LRP1B: variants seen among roughly 807,000 people sequenced by gnomAD.
LRP1B encodes the protein low-density lipoprotein receptor-related protein 1B.
Under a neutral mutation model 556.6 loss-of-function variants are expected in LRP1B, and 217 were observed. The observed-to-expected ratio is 0.39, with a 90% CI of 0.35 to 0.44. LRP1B has a LOEUF of 0.44. Among genes scored for constraint, LRP1B ranks in the 20% least tolerant of loss-of-function variants. The pLI is 1.00. For synonymous variants in LRP1B, 2,047 were observed against 1,865.8 expected (o/e 1.10, Z -2.50); for missense variants, 5,053 against 5,620.8 (o/e 0.90, Z 3.23).
chr2:141,192,099 C>A (rs1681540812), intron 6 of LRP1B, among the ~76,000 whole-genome samples: 2 of 151,870 alleles, frequency 1.3e-5, no homozygotes, highest in African/African-American at 4.8e-5. Context: ...CACTTAGTAA[C>A]TATGGGGAAT....
intron 41 of LRP1B, among the ~76,000 whole-genome samples, chr2:140,622,033 C>G (rs745751739): frequency 6.6e-6 from 1 of 152,168 alleles, no homozygotes; most frequent in Non-Finnish European, 1.5e-5. Flanking sequence ...TTCTTGTAAG[C>G]TAACTTATTT....
chr2:141,678,978 A>T (rs1691001217), intron 2 of LRP1B, among the ~76,000 whole-genome samples: 1 of 152,120 alleles, frequency 6.6e-6, no homozygotes, highest in Admixed American at 6.6e-5. Flanking sequence ...TTCTGAGGTA[A>T]GGTTACCAAA....
chr2:140,683,360 A>G (rs1559052971), intron 41 of LRP1B: 2 of 487,550 alleles, frequency 4.1e-6, no homozygotes, highest in East Asian at 5.1e-5. Flanking sequence ...TCCACACACA[A>G]TCTTCAGCAT....
intron 3 of LRP1B, among the ~76,000 whole-genome samples, chr2:141,307,606 T>C (rs1686641094): frequency 6.6e-6 from 1 of 152,172 alleles, no homozygotes; most frequent in Non-Finnish European, 1.5e-5. Context: ...TTAACCTGTT[T>C]ACATCCAAGG....
chr2:140,278,680 A>G (rs1682790230), intron 84 of LRP1B, among the ~76,000 whole-genome samples: 1 of 152,052 alleles, frequency 6.6e-6, no homozygotes, highest in African/African-American at 2.4e-5. Context: ...AAATATTAGA[A>G]TTTACACTTT....
At position 141,844,092 on chromosome 2, in the gene LRP1B, G is replaced by C. The variant is rs543977637; in HGVS notation, c.83-33691C>G. ...CTGGAACTAGGAAGAAAAGAAAAAG[G>C]ATGGCCTCCTTTAGATTTGGGCCTC... On this transcript the variant is annotated intron_variant, in intron 1 of 90. Coordinates refer to ENST00000389484, the MANE Select transcript of LRP1B (RefSeq NM_018557.3). Among the ~76,000 whole-genome samples the C allele has an allele frequency of 2.0e-5, 3 of 152,008 alleles. No homozygotes were observed. In the South Asian group the frequency reaches 6.2e-4, roughly 32 times the overall value.
intron 1 of LRP1B, among the ~76,000 whole-genome samples, chr2:141,989,831 A>T (rs1392220399): frequency 1.3e-5 from 2 of 152,106 alleles, no homozygotes; most frequent in Non-Finnish European, 2.9e-5. Flanking sequence ...TAAAACTATG[A>T]GTCAATTAAA....
At chr2:142,033,334 T>TA (rs1462148028) in intron 1 of LRP1B, among the ~76,000 whole-genome samples, 1 of 151,804 alleles carries the variant, frequency 6.6e-6, no homozygotes, top group African/African-American at 2.4e-5. Flanking sequence ...TATCTTTAAA[T>TA]GTTGTCAGTC....
intron 1 of LRP1B, among the ~76,000 whole-genome samples, chr2:141,900,126 G>A (rs779578217): frequency 1.6e-4 from 25 of 151,986 alleles, no homozygotes; most frequent in Non-Finnish European, 2.8e-4. Flanking sequence ...AGTCCCAATC[G>A]ATATGGAGAA....
At chr2:141,608,800 A>G (rs1688009393) in intron 2 of LRP1B, among the ~76,000 whole-genome samples, 1 of 152,184 alleles carries the variant, frequency 6.6e-6, no homozygotes, top group Non-Finnish European at 1.5e-5. Context: ...GATTCTCACA[A>G]AATGCTTCAG....
intron 81 of LRP1B, 110 bp downstream of exon 81, chr2:140,323,779 AAGTT>A (rs1680296586): frequency 4.2e-6 from 2 of 481,040 alleles, no homozygotes; most frequent in East Asian, 6.8e-5. Context: ...AAAGTTACTT[AAGTT>A]ACTGAGGTTA....
chr2:141,209,569 C>T (rs1027823915), intron 6 of LRP1B, among the ~76,000 whole-genome samples: 2 of 152,148 alleles, frequency 1.3e-5, no homozygotes, highest in Admixed American at 1.3e-4. Context: ...TCACAATTTT[C>T]AACATGCTAA....
intron 1 of LRP1B, among the ~76,000 whole-genome samples, chr2:142,016,689 C>T: frequency 6.6e-6 from 1 of 150,422 alleles, no homozygotes; most frequent in East Asian, 2.0e-4. Context: ...GGGGTAGGGG[C>T]TAGGGGATGG....
chr2:140,405,057 A>G (rs1684672257), intron 66 of LRP1B, among the ~76,000 whole-genome samples: 1 of 152,214 alleles, frequency 6.6e-6, no homozygotes, highest in Admixed American at 6.5e-5. Context: ...AAAACTAGAA[A>G]TCAATTCCAA....
intron 1 of LRP1B, among the ~76,000 whole-genome samples, chr2:141,898,423 G>T (rs1699519564): frequency 1.3e-5 from 2 of 152,056 alleles, no homozygotes; most frequent in Non-Finnish European, 2.9e-5. Flanking sequence ...TCAAGTCTTT[G>T]ACTCATGGGC....
chr2:141,108,161 A>C (rs1700654446), intron 7 of LRP1B, among the ~76,000 whole-genome samples: 2 of 152,062 alleles, frequency 1.3e-5, no homozygotes, highest in Non-Finnish European at 2.9e-5. Flanking sequence ...CGTGTCATTA[A>C]ATGTGTTTCC....
chr2:140,293,845 T>TATA (rs1199266538), intron 84 of LRP1B, among the ~76,000 whole-genome samples: 5 of 152,204 alleles, frequency 3.3e-5, no homozygotes, highest in Non-Finnish European at 1.5e-5. Context: ...CAATTCTGAC[T>TATA]ATAATATTAC....
chr2:140,247,210 C>A (rs780709107), intron 86 of LRP1B, 48 bp from the exon 87 acceptor site: 1 of 1,346,948 alleles, frequency 7.4e-7, no homozygotes, highest in East Asian at 2.3e-5. Context: ...AATAACAAAG[C>A]CCAGAAGTCA....
chr2:141,297,665 A>C (rs1686232765), intron 3 of LRP1B, among the ~76,000 whole-genome samples: 1 of 152,110 alleles, frequency 6.6e-6, no homozygotes, highest in African/African-American at 2.4e-5. Context: ...AAAACCCTAC[A>C]CTTTACTTCA....
Sources: gnomAD v4.1 joint callset for allele counts (sites outside exome capture counted in the v4.1 genomes callset) on GRCh38, gnomAD v4.1.1 for gene constraint, MANE v1.5 for transcripts, NCBI Gene and HGNC (gene_info 2026-07-23, HGNC 2026-07-21) for gene names.